Variants in RYR2 observed in about 807,000 individuals in gnomAD.
RYR2 encodes ryanodine receptor 2.
A neutral mutation model predicts 601.1 loss-of-function variants in RYR2; 227 were observed. That is an observed-to-expected ratio of 0.38 (90% CI 0.34 to 0.42). The LOEUF (loss-of-function observed/expected upper bound fraction) is 0.42. RYR2 is among the 10% of genes least tolerant of loss of function. RYR2 has a pLI of 1.00. For synonymous variants in RYR2, 2,223 were observed against 2,175.1 expected (o/e 1.02, Z -0.61); for missense variants, 4,646 against 6,156.5 (o/e 0.75, Z 8.21).
intron 1 of RYR2, among the ~76,000 whole-genome samples, chr1:237,136,451 A>T (rs542569795): frequency 6.6e-6 from 1 of 152,248 alleles, no homozygotes; most frequent in African/African-American, 2.4e-5. Flanking sequence ...GGTCAAATTG[A>T]ACCATTTTCC....
chr1:237,407,136 C>T (rs1429038658), intron 10 of RYR2, among the ~76,000 whole-genome samples: 1 of 152,128 alleles, frequency 6.6e-6, no homozygotes, highest in Non-Finnish European at 1.5e-5. Context: ...GCATATATGG[C>T]CCCTCTATAT....
chr1:237,324,266 G>A (rs1695929285), intron 2 of RYR2, among the ~76,000 whole-genome samples: 1 of 152,144 alleles, frequency 6.6e-6, no homozygotes, highest in African/African-American at 2.4e-5. Flanking sequence ...CATCTGGTAA[G>A]TGACATTTTG....
At chr1:237,479,923 G>C (rs2150357747) in intron 17 of RYR2, among the ~76,000 whole-genome samples, 1 of 152,230 alleles carries the variant, frequency 6.6e-6, no homozygotes, top group East Asian at 1.9e-4. Flanking sequence ...CAAGGTAAAA[G>C]GAAACTAATG....
At chr1:237,606,148 T>C (rs9701172) in intron 35 of RYR2, among the ~76,000 whole-genome samples, 35,093 of 151,050 alleles carry the variant, frequency 0.23, 4,330 homozygotes, top group South Asian at 0.38. Flanking sequence ...GGAGGCATCA[T>C]GCTACCTGAC....
At chr1:237,176,745 T>C (rs1299862593) in intron 1 of RYR2, among the ~76,000 whole-genome samples, 5 of 152,208 alleles carry the variant, frequency 3.3e-5, no homozygotes, top group Non-Finnish European at 5.9e-5. Context: ...AGGTGTTAAA[T>C]TTTTGCTTGG....
intron 101 of RYR2, among the ~76,000 whole-genome samples, chr1:237,826,701 TATAA>T (rs1416594969): frequency 1.3e-5 from 2 of 152,212 alleles, no homozygotes; most frequent in Admixed American, 6.5e-5. Flanking sequence ...GTCAGTGCTT[TATAA>T]ATAATTATAA....
chr1:237,241,439 T>G (rs561214010), intron 1 of RYR2, among the ~76,000 whole-genome samples: 130 of 152,312 alleles, frequency 8.5e-4, no homozygotes, highest in African/African-American at 3.0e-3. Flanking sequence ...TATCTCTAAA[T>G]GGAGAATGTG....
rs1043686397 is a variant in RYR2, at chr1:237,452,252, G to C, written c.1293-2139G>C. ...ATTATGTAGTATATTATAATGTATA[G>C]TATAGTATATGTTATATATACTATA... On this transcript the variant is annotated intron_variant, in intron 14 of 104. Coordinates refer to ENST00000366574, the MANE Select transcript of RYR2 (RefSeq NM_001035.3). 2.1e-5 allele frequency among the ~76,000 whole-genome samples: 3 copies of C among 142,816 alleles called. No homozygotes were observed. The Admixed American group carries it at 2.2e-4, about 10-fold the overall frequency. The allele number at this position is 142,816 out of a possible 152,430, so 93.7% of individuals were successfully genotyped here. A position where few individuals can be genotyped will look rare whatever the true frequency, so the allele number is the denominator to read the frequency against.
chr1:237,631,821 G>C (rs916044695), intron 42 of RYR2, among the ~76,000 whole-genome samples: 7 of 151,034 alleles, frequency 4.6e-5, no homozygotes, highest in African/African-American at 9.8e-5. Flanking sequence ...GTAGAGACGG[G>C]GTTTCACTGT....
chr1:237,676,435 C>T (rs1167291303), intron 60 of RYR2, among the ~76,000 whole-genome samples: 1 of 152,024 alleles, frequency 6.6e-6, no homozygotes, highest in Non-Finnish European at 1.5e-5. Context: ...GGTAGAGGGC[C>T]TTATAAACAG....
rs745740143 is a variant in RYR2, at chr1:237,791,545, G to T, written c.13563+30G>T. The T allele has an allele frequency of 5.7e-5, 61 of 1,063,590 alleles. 1 individual carries two copies. The highest frequency in any genetic ancestry group is 7.1e-6 in the Non-Finnish European group (5 of 702,964). The allele number at this position is 1,063,590 out of a possible 1,614,324, so 65.9% of individuals were successfully genotyped here. A position where few individuals can be genotyped will look rare whatever the true frequency, so the allele number is the denominator to read the frequency against. ...GTACATCTCACTGTTTTAATTACTG[G>T]TATAAAACTCCAAATAGAAATGAAT... On this transcript the variant is annotated intron_variant, in intron 93 of 104. Coordinates refer to ENST00000366574, the MANE Select transcript of RYR2 (RefSeq NM_001035.3).
chr1:237,154,377 G>A (rs1295288937), intron 1 of RYR2, among the ~76,000 whole-genome samples: 2 of 152,204 alleles, frequency 1.3e-5, no homozygotes, highest in African/African-American at 2.4e-5. Flanking sequence ...GAGATATGTT[G>A]AAACCTGCAG....
chr1:237,749,148 T>A (rs139355258), intron 80 of RYR2, among the ~76,000 whole-genome samples: 1 of 152,308 alleles, frequency 6.6e-6, no homozygotes, highest in East Asian at 1.9e-4. Context: ...TAACTTCATG[T>A]GTTGTCATTT....
At chr1:237,821,639 C>T (rs899086940) in intron 101 of RYR2, among the ~76,000 whole-genome samples, 8 of 151,950 alleles carry the variant, frequency 5.3e-5, no homozygotes, top group East Asian at 2.0e-4. Context: ...CACAACTCCT[C>T]GCCAGCAAGG....
intron 73 of RYR2, among the ~76,000 whole-genome samples, chr1:237,722,750 A>G (rs1476341725): frequency 6.6e-6 from 1 of 152,138 alleles, no homozygotes; most frequent in Non-Finnish European, 1.5e-5. Context: ...TTAATTTTTA[A>G]TAATTGTATA....
At chr1:237,354,484 T>C (rs1176054563) in intron 3 of RYR2, among the ~76,000 whole-genome samples, 1 of 152,138 alleles carries the variant, frequency 6.6e-6, no homozygotes, top group African/African-American at 2.4e-5. Flanking sequence ...ACCAAAAATA[T>C]GGCATATTCT....
In RYR2 at chr1:237,711,768, C is replaced by T. The variant is rs138073811; in HGVS notation, c.10254C>T (p.Asn3418=). 4,766 of 1,583,958 alleles carry T rather than the reference C, an allele frequency of 3.0e-3. 19 individuals carry two copies. Among genetic ancestry groups the T allele is most frequent in the Middle Eastern group, 7.3e-3 (43 of 5,866 alleles). ...AGAATTTCAAAAGAGAAGAGCAGAA[C>T]TTCGTTGTACAGAATGAAATCAACA... The part of the protein sequence containing the change: ...KSHNFKREEQ[N]FVVQNEINNM... Residue 3418 remains asparagine, a synonymous_variant, in exon 71 of 105, where the codon AAC becomes AAT. Transcript: ENST00000366574.
chr1:237,525,017 G>A lies in RYR2; in HGVS notation c.2823-5410G>A, dbSNP rs535303791. On this transcript the variant is annotated intron_variant, in intron 24 of 104. Coordinates refer to ENST00000366574, the MANE Select transcript of RYR2 (RefSeq NM_001035.3). The stretch of plus-strand genomic sequence containing the variant: ...GATACATAGGAATTTACCTATGTGC[G>A]TTGTTACATAGGTATAATGGTGGGA... Among the ~76,000 whole-genome samples the A allele has an allele frequency of 9.9e-5, 15 of 152,154 alleles. No individual in the cohort carries two copies. In the South Asian group the frequency reaches 1.2e-3, roughly 13 times the overall value.
At chr1:237,476,509 CAAAAAAAAAAAAAAAAAA>C (rs56116691) in intron 17 of RYR2, among the ~76,000 whole-genome samples, 1 of 70,192 alleles carries the variant, frequency 1.4e-5, no homozygotes, top group African/African-American at 6.1e-5. Context: ...GACTCTGTCT[CAAAAAAAAAAAAAAAAAA>C]AAAAAAAAAA....
Sources: gnomAD v4.1 joint callset for allele counts (sites outside exome capture counted in the v4.1 genomes callset) on GRCh38, gnomAD v4.1.1 for gene constraint, MANE v1.5 for transcripts, NCBI Gene and HGNC (gene_info 2026-07-23, HGNC 2026-07-21) for gene names.